Variants in LOC400499 observed in about 807,000 individuals in gnomAD.
chr16:11,467,433 G>C, the LOC400499 span, among the ~76,000 whole-genome samples: 8 of 149,494 alleles, frequency 5.4e-5, no homozygotes, highest in African/African-American at 1.5e-4. Context: ...AACATAGTGA[G>C]ACCCCATTTG....
At chr16:11,503,141 CT>C in the LOC400499 span, among the ~76,000 whole-genome samples, 2 of 152,042 alleles carry the variant, frequency 1.3e-5, no homozygotes, top group Non-Finnish European at 2.9e-5. Flanking sequence ...TCTCAAACTT[CT>C]GGGCTCAAGT....
the LOC400499 span, among the ~76,000 whole-genome samples, chr16:11,421,513 T>C: frequency 1.3e-5 from 2 of 152,124 alleles, no homozygotes; most frequent in South Asian, 2.1e-4. Flanking sequence ...ACGATTCTCC[T>C]GCCTCCGCCT....
chr16:11,490,967 G>A, the LOC400499 span, among the ~76,000 whole-genome samples: 30 of 152,192 alleles, frequency 2.0e-4, no homozygotes, highest in Non-Finnish European at 2.9e-4. Flanking sequence ...AATAATAGCA[G>A]TAGTGATAAC....
At chr16:11,486,122 G>C in the LOC400499 span, among the ~76,000 whole-genome samples, 1 of 149,308 alleles carries the variant, frequency 6.7e-6, no homozygotes, top group Non-Finnish European at 1.5e-5. Context: ...TACATGGGTA[G>C]ACAGATGATG....
the LOC400499 span, chr16:11,443,390 C>A: frequency 2.5e-6 from 1 of 403,396 alleles, no homozygotes; most frequent in Non-Finnish European, 4.7e-6. Flanking sequence ...GAACCTGGGA[C>A]GTGGAGGTTG....
chr16:11,487,361 C>G, the LOC400499 span: 1 of 399,410 alleles, frequency 2.5e-6, no homozygotes, highest in Non-Finnish European at 4.4e-6. Flanking sequence ...GGGTCCCCTC[C>G]AGGTTGGCTC....
At chr16:11,432,802 G>A in the LOC400499 span, among the ~76,000 whole-genome samples, 1 of 152,204 alleles carries the variant, frequency 6.6e-6, no homozygotes, top group Non-Finnish European at 1.5e-5. Context: ...GAGGGCCACT[G>A]CAAATACTAC....
At chr16:11,414,425 G>A in the LOC400499 span, 471 of 399,828 alleles carry the variant, frequency 1.2e-3, 2 homozygotes, top group African/African-American at 8.7e-3. Flanking sequence ...GGGCCACGTC[G>A]TGGCCGAGCC....
At chr16:11,458,553 G>A in the LOC400499 span, among the ~76,000 whole-genome samples, 1 of 151,792 alleles carries the variant, frequency 6.6e-6, no homozygotes, top group East Asian at 1.9e-4. Flanking sequence ...CTCTGTGTTA[G>A]CTAGAGTAGT....
At chr16:11,463,372 GTGTGTGCGGATGTGTGTGTATGAA>G in the LOC400499 span, among the ~76,000 whole-genome samples, 6 of 149,842 alleles carry the variant, frequency 4.0e-5, no homozygotes, top group East Asian at 1.9e-4. Flanking sequence ...CCCCACAGAT[GTGTGTGCGGATGTGTGTGTATGAA>G]TGTGTGTGGA....
At chr16:11,404,829 G>T in the LOC400499 span, 5 of 398,898 alleles carry the variant, frequency 1.3e-5, no homozygotes, top group African/African-American at 1.0e-4. Flanking sequence ...TCGCTCGTAT[G>T]CGGTCTGCAG....
the LOC400499 span, among the ~76,000 whole-genome samples, chr16:11,403,121 C>T: frequency 5.3e-5 from 8 of 152,178 alleles, no homozygotes; most frequent in Admixed American, 5.2e-4. Flanking sequence ...CCTGAGCAGC[C>T]CTGCTTTCCC....
At chr16:11,458,451 G>C in the LOC400499 span, among the ~76,000 whole-genome samples, 4 of 150,988 alleles carry the variant, frequency 2.6e-5, no homozygotes, top group Non-Finnish European at 5.9e-5. Context: ...GTTGCAGTGA[G>C]CCAAGATTGC....
the LOC400499 span, chr16:11,476,904 G>C: frequency 5.4e-3 from 2,160 of 399,304 alleles, 39 homozygotes; most frequent in African/African-American, 0.041. Flanking sequence ...CCTGCCCCAG[G>C]ATGCCCGCTG....
the LOC400499 span, among the ~76,000 whole-genome samples, chr16:11,435,481 G>A: frequency 2.0e-5 from 3 of 152,214 alleles, no homozygotes; most frequent in Admixed American, 6.5e-5. Flanking sequence ...AAGGGCCAAA[G>A]TGAAGAAGTG....
At chr16:11,390,394 T>C in the LOC400499 span, 40 of 1,240,222 alleles carry the variant, frequency 3.2e-5, 1 homozygote, top group Non-Finnish European at 1.4e-5. Flanking sequence ...CTCTGCTCGC[T>C]CCCGCCACAC....
the LOC400499 span, among the ~76,000 whole-genome samples, chr16:11,419,669 C>G: frequency 2.6e-5 from 4 of 151,030 alleles, no homozygotes; most frequent in African/African-American, 7.3e-5. Flanking sequence ...CAGGCAACCT[C>G]CAAAATGGGA....
chr16:11,422,113 G>A, the LOC400499 span, among the ~76,000 whole-genome samples: 16 of 152,326 alleles, frequency 1.1e-4, no homozygotes, highest in Middle Eastern at 3.4e-3. Flanking sequence ...TTGAAACAGC[G>A]GGAGCAGGCT....
chr16:11,427,715 G>A, the LOC400499 span, among the ~76,000 whole-genome samples: 4 of 152,072 alleles, frequency 2.6e-5, no homozygotes, highest in African/African-American at 9.7e-5. Flanking sequence ...CAAAGTGCTG[G>A]GATTATAGGT....
Sources: gnomAD v4.1 joint callset for allele counts (sites outside exome capture counted in the v4.1 genomes callset) on GRCh38, gnomAD v4.1.1 for gene constraint, MANE v1.5 for transcripts.